Variants in SCPEP1 observed in about 807,000 individuals in gnomAD.
SCPEP1 encodes the protein serine carboxypeptidase 1, also known as retinoid-inducible serine carboxypeptidase.
In SCPEP1, 51 loss-of-function variants were observed where a neutral mutation model predicts 63.8. The ratio of observed to expected loss-of-function variants is 0.80; its 90% CI spans 0.64 to 1.01. The LOEUF is 1.01. Ranked by LOEUF, SCPEP1 falls within the 50% of genes least tolerant of loss-of-function variation. SCPEP1 has a pLI of 0.00. For missense variants in SCPEP1, 499 were observed against 554.9 expected, an observed-to-expected ratio of 0.90 and a Z score of 1.01; for synonymous variants, 204 against 207.8, an observed-to-expected ratio of 0.98 and a Z score of 0.16.
At chr17:56,995,405 C>A (rs1289026901) in intron 7 of SCPEP1, 102 bp from the exon 8 acceptor site, 2 of 1,261,274 alleles carry the variant, frequency 1.6e-6, no homozygotes, top group Non-Finnish European at 2.2e-6. Flanking sequence ...AGCTCCCGTT[C>A]TCCTTCCTTC....
At chr17:57,005,157 T>G (rs1282720697) in intron 12 of SCPEP1, among the ~76,000 whole-genome samples, 1 of 152,192 alleles carries the variant, frequency 6.6e-6, no homozygotes, top group African/African-American at 2.4e-5. Flanking sequence ...ATGGGGCAGG[T>G]GTGAAATGTT....
At position 56,978,180 on chromosome 17, in the gene SCPEP1, C is replaced by G; in HGVS notation, c.21C>G (p.Arg7=). MELALR[R]SPVPRWLLLL... ...TTGTCATGGAGCTGGCACTGCGGCG[C>G]TCTCCCGTCCCGCGGTGGTTGCTGC... Residue 7 remains arginine, a synonymous_variant, in exon 1 of 13, where the codon CGC becomes CGG. Coordinates refer to ENST00000262288, the MANE Select transcript of SCPEP1 (RefSeq NM_021626.3). The G allele has an allele frequency of 6.4e-7, 1 of 1,553,258 alleles. No homozygotes were observed. The highest frequency in any genetic ancestry group is 8.7e-7 in the Non-Finnish European group (1 of 1,147,342).
chr17:57,000,966 A>G lies in SCPEP1; in HGVS notation c.1106A>G (p.Gln369Arg). The G allele has an allele frequency of 6.2e-7, 1 of 1,614,210 alleles. No individual in the cohort carries two copies. The highest frequency in any genetic ancestry group is 8.5e-7 in the Non-Finnish European group (1 of 1,180,028). Residue 369 changes from glutamine to arginine, a missense_variant, in exon 11 of 13, where the codon CAG becomes CGG. Physicochemically the swap from Gln to Arg is conservative, Grantham distance 43. Coordinates refer to ENST00000262288, the MANE Select transcript of SCPEP1 (RefSeq NM_021626.3). Reference sequence around the variant, plus strand: ...ATCAACGTGACGGTGTATAATGGACAGCTGGATCTCATCGTAGATACCATG... The same window carrying G: ...ATCAACGTGACGGTGTATAATGGACGGCTGGATCTCATCGTAGATACCATG... ...AGINVTVYNGQLDLIVDTMGQ... is the reference protein window; with the variant it reads ...AGINVTVYNGRLDLIVDTMGQ...
chr17:57,006,327 T>TTAGATACAGGGA lies in SCPEP1; in HGVS notation c.*92_*93insTAGATACAGGGA. The TTAGATACAGGGA allele has an allele frequency of 1.1e-6, 1 of 891,270 alleles. No homozygotes were observed. Among genetic ancestry groups the TTAGATACAGGGA allele is most frequent in the Non-Finnish European group, 1.7e-6 (1 of 593,332 alleles). The allele number at this position is 891,270 out of a possible 1,614,324, so 55.2% of individuals were successfully genotyped here. On this transcript the variant is annotated 3_prime_UTR_variant, in exon 13 of 13. Transcript: ENST00000262288. The stretch of plus-strand genomic sequence containing the variant: ...CTGTAGGAAGCGCCATTCTTCCCTG[T>TTAGATACAGGGA]ATCTAACTGGGGCTGTGATCAAGAA...
At chr17:56,991,533 G>T (rs1461952167) in intron 6 of SCPEP1, among the ~76,000 whole-genome samples, 3 of 152,250 alleles carry the variant, frequency 2.0e-5, no homozygotes, top group South Asian at 4.1e-4. Flanking sequence ...TTGTCATCCT[G>T]CCCCCTCTAC....
chr17:56,995,482 T>G, intron 7 of SCPEP1, 25 bp from the exon 8 acceptor site: 1 of 1,605,498 alleles, frequency 6.2e-7, no homozygotes, highest in South Asian at 1.1e-5. Flanking sequence ...AAAGTGGGTC[T>G]TTTTGCTCTT....
At chr17:57,006,029 C>T in intron 12 of SCPEP1, 144 bp from the exon 13 acceptor site, 1 of 547,312 alleles carries the variant, frequency 1.8e-6, no homozygotes, top group Non-Finnish European at 3.3e-6. Context: ...GAAGGACCCT[C>T]TCTCAGGGAT....
chr17:57,002,874 CAAA>C (rs59205865), intron 12 of SCPEP1, among the ~76,000 whole-genome samples: 8 of 107,086 alleles, frequency 7.5e-5, no homozygotes, highest in Admixed American at 3.0e-4. Flanking sequence ...GACCCTGTCT[CAAA>C]AAAAAAAAAA....
At position 56,985,480 on chromosome 17, in the gene SCPEP1, C is replaced by T. The variant is rs1269632898; in HGVS notation, c.315+13C>T. Reference sequence around the variant, plus strand: ...GAAAACCACCTGGGTACAGTGAGGACAGTCCTGAGCTAAACCTTGCCCCGT... The same window carrying T: ...GAAAACCACCTGGGTACAGTGAGGATAGTCCTGAGCTAAACCTTGCCCCGT... On this transcript the variant is annotated intron_variant, in intron 3 of 12. Transcript: ENST00000262288. 2.5e-6 allele frequency: 4 copies of T among 1,601,318 alleles called. No homozygotes were observed. Among genetic ancestry groups the T allele is most frequent in the Non-Finnish European group, 3.4e-6 (4 of 1,168,446 alleles).
intron 12 of SCPEP1, 113 bp downstream of exon 12, chr17:57,002,294 C>G: frequency 1.9e-6 from 2 of 1,036,038 alleles, no homozygotes; most frequent in Non-Finnish European, 2.8e-6. Flanking sequence ...TACGAGGGCC[C>G]GAGGGCCAGG....
chr17:56,981,255 T>A, intron 2 of SCPEP1, 25 bp downstream of exon 2: 2 of 1,613,632 alleles, frequency 1.2e-6, no homozygotes, highest in Middle Eastern at 3.3e-4. Context: ...CAGCCTGGCC[T>A]GAGGTCAAAG....
chr17:56,992,668 A>G (rs1202889472), intron 6 of SCPEP1, among the ~76,000 whole-genome samples: 3 of 152,204 alleles, frequency 2.0e-5, no homozygotes, highest in African/African-American at 7.2e-5. Context: ...CAACAACTCC[A>G]TGGGATGGAT....
intron 10 of SCPEP1, among the ~76,000 whole-genome samples, chr17:57,000,595 A>G (rs1911709119): frequency 6.6e-6 from 1 of 152,194 alleles, no homozygotes; most frequent in African/African-American, 2.4e-5. Context: ...ACAGTAGCCT[A>G]TTCCAGGTGT....
At chr17:56,999,041 G>C (rs1597922138) in intron 10 of SCPEP1, among the ~76,000 whole-genome samples, 1 of 152,138 alleles carries the variant, frequency 6.6e-6, no homozygotes, top group Admixed American at 6.5e-5. Context: ...ATGTGTAATT[G>C]GTTGTGAGTT....
intron 11 of SCPEP1, among the ~76,000 whole-genome samples, chr17:57,001,617 A>G (rs1309730888): frequency 6.6e-6 from 1 of 151,974 alleles, no homozygotes; most frequent in Non-Finnish European, 1.5e-5. Context: ...GACACCAAGG[A>G]CAATTTGGAA....
In SCPEP1 at chr17:56,978,166, C is replaced by G. The variant is rs34108204; in HGVS notation, c.7C>G (p.Leu3Val). The stretch of plus-strand genomic sequence containing the variant: ...CTGCCGTGCGGTACTTGTCATGGAG[C>G]TGGCACTGCGGCGCTCTCCCGTCCC... The part of the protein sequence containing the change: ME[L>V]ALRRSPVPRW... Residue 3 changes from leucine to valine, a missense_variant, in exon 1 of 13, where the codon CTG becomes GTG. Physicochemically the swap from Leu to Val is conservative, Grantham distance 32 (BLOSUM62 1). Transcript: ENST00000262288. 2.6e-3 allele frequency: 3,764 copies of G among 1,461,216 alleles called. 88 individuals carry two copies. The African/African-American group carries it at 0.045, about 18-fold the overall frequency. 90.5% of individuals were successfully genotyped at this position (1,461,216 alleles called of 1,614,324 possible). A position where few individuals can be genotyped will look rare whatever the true frequency, so the allele number is the denominator to read the frequency against.
At chr17:57,004,372 A>G (rs1911826491) in intron 12 of SCPEP1, among the ~76,000 whole-genome samples, 1 of 152,226 alleles carries the variant, frequency 6.6e-6, no homozygotes, top group Non-Finnish European at 1.5e-5. Flanking sequence ...TCAATAAATA[A>G]ACAAATAGAC....
intron 11 of SCPEP1, 60 bp from the exon 12 acceptor site, chr17:57,001,958 C>A: frequency 6.5e-7 from 1 of 1,550,350 alleles, no homozygotes; most frequent in Non-Finnish European, 8.7e-7. Flanking sequence ...AGGACCTAGA[C>A]TTTTTTCCTA....
In SCPEP1 at chr17:57,006,211, G is replaced by GA. The variant is rs1182543879; in HGVS notation, c.1336dup (p.Arg446LysfsTer25). 4 of 1,611,388 alleles carry GA rather than the reference G, an allele frequency of 2.5e-6. No individual in the cohort carries two copies. The highest frequency in any genetic ancestry group is 1.7e-5 in the Admixed American group (1 of 59,590). On this transcript the variant is annotated frameshift_variant, in exon 13 of 13. Coordinates refer to ENST00000262288, the MANE Select transcript of SCPEP1 (RefSeq NM_021626.3). LOFTEE classifies it high-confidence loss of function. ...AAGGGGACATGGCTCTGAAGATGAT[G>GA]AGACTGGTGACTCAGCAAGAATAGG...
Sources: gnomAD v4.1 joint callset for allele counts (sites outside exome capture counted in the v4.1 genomes callset) on GRCh38, gnomAD v4.1.1 for gene constraint, MANE v1.5 for transcripts, NCBI Gene and HGNC (gene_info 2026-07-23, HGNC 2026-07-21) for gene names.